Variants in SLIT3 observed in about 807,000 individuals in gnomAD.
The protein encoded by SLIT3 is slit homolog 3 protein.
Under a neutral mutation model 184.0 loss-of-function variants are expected in SLIT3, and 68 were observed. The ratio of observed to expected loss-of-function variants is 0.37; its 90% CI spans 0.30 to 0.45. SLIT3 has a LOEUF of 0.45. Among genes scored for constraint, SLIT3 ranks in the 20% least tolerant of loss-of-function variants. The pLI, the probability that SLIT3 is intolerant of heterozygous loss-of-function variation, is 1.00. For synonymous variants in SLIT3, 831 were observed against 828.6 expected, an observed-to-expected ratio of 1.00 and a Z score of -0.05; for missense variants, 1,707 against 2,026.0, an observed-to-expected ratio of 0.84 and a Z score of 3.02.
intron 7 of SLIT3, among the ~76,000 whole-genome samples, chr5:168,817,914 C>T (rs1025899630): frequency 2.0e-5 from 3 of 152,112 alleles, no homozygotes; most frequent in Non-Finnish European, 2.9e-5. Flanking sequence ...AGCTGAGAGA[C>T]GCTGTTGCCT....
At chr5:169,135,894 C>T (rs958603348) in intron 4 of SLIT3, among the ~76,000 whole-genome samples, 3 of 152,160 alleles carry the variant, frequency 2.0e-5, no homozygotes, top group African/African-American at 7.2e-5. Context: ...AACTTTAGGC[C>T]ACAGCCTTGG....
chr5:168,673,479 T>G (rs80039314), intron 32 of SLIT3, 148 bp from the exon 33 acceptor site: 2 of 735,846 alleles, frequency 2.7e-6, no homozygotes, highest in Non-Finnish European at 4.3e-6. Flanking sequence ...GTTGCAAAAA[T>G]AAAAACAGTA....
At chr5:169,289,753 G>C (rs1190326581) in intron 1 of SLIT3, among the ~76,000 whole-genome samples, 3 of 152,226 alleles carry the variant, frequency 2.0e-5, no homozygotes, top group African/African-American at 7.2e-5. Flanking sequence ...ATTAAGGCAG[G>C]AGCCAGGAGT....
chr5:168,718,244 A>G (rs1762811929), intron 23 of SLIT3: 1 of 151,220 alleles, frequency 6.6e-6, no homozygotes, highest in African/African-American at 2.5e-5. Flanking sequence ...CCTTACAGGG[A>G]TGTTTTAAGG....
intron 4 of SLIT3, among the ~76,000 whole-genome samples, chr5:168,976,501 T>A (rs748668335): frequency 1.3e-5 from 2 of 152,136 alleles, no homozygotes; most frequent in Non-Finnish European, 2.9e-5. Context: ...ATGAAAAAAA[T>A]AAACACAGAG....
chr5:168,999,430 C>G (rs925119688), intron 4 of SLIT3, among the ~76,000 whole-genome samples: 1 of 141,822 alleles, frequency 7.1e-6, no homozygotes, highest in African/African-American at 2.5e-5. Flanking sequence ...TCAAATAAAA[C>G]AGCACAGCTA....
In SLIT3 at chr5:168,901,677, C is replaced by A. The variant is rs181914544; in HGVS notation, c.414-18341G>T. ...GGCTCCGAAAGAAAAAGGACTCGCC[C>A]AAAGTCATATAGCCTAAAGCAAGAA... On this transcript the variant is annotated intron_variant, in intron 4 of 35. Transcript: ENST00000519560. Among the ~76,000 whole-genome samples, 324 of 152,252 alleles carry A rather than the reference C, an allele frequency of 2.1e-3. 3 individuals carry two copies. Among genetic ancestry groups the A allele is most frequent in the African/African-American group, 7.5e-3 (310 of 41,560 alleles).
intron 31 of SLIT3, 101 bp from the exon 32 acceptor site, chr5:168,684,197 T>C: frequency 8.1e-7 from 1 of 1,236,658 alleles, no homozygotes; most frequent in Admixed American, 2.7e-5. Context: ...CTTCTGAATC[T>C]GTGCTGCGTC....
chr5:169,072,777 C>A (rs1309147756), intron 4 of SLIT3, among the ~76,000 whole-genome samples: 2 of 152,172 alleles, frequency 1.3e-5, no homozygotes, highest in Non-Finnish European at 2.9e-5. Context: ...CTTTGGGCAG[C>A]CTTATGCCAA....
At chr5:169,175,609 G>A (rs535033613) in intron 4 of SLIT3, among the ~76,000 whole-genome samples, 1 of 152,302 alleles carries the variant, frequency 6.6e-6, no homozygotes, top group African/African-American at 2.4e-5. Flanking sequence ...CTTCGTGGTT[G>A]TGTTATTGAC....
chr5:168,772,571 TG>T, intron 14 of SLIT3: 1 of 327,368 alleles, frequency 3.1e-6, no homozygotes, highest in African/African-American at 2.8e-5. Context: ...ATGCTTTTAT[TG>T]TGTGTGTGTG....
intron 4 of SLIT3, among the ~76,000 whole-genome samples, chr5:168,972,318 T>G: frequency 7.0e-6 from 1 of 142,050 alleles, no homozygotes; most frequent in Non-Finnish European, 1.5e-5. Context: ...GGCTTGTTGA[T>G]GGCTAGCTGC....
intron 4 of SLIT3, among the ~76,000 whole-genome samples, chr5:168,945,543 C>T (rs746536013): frequency 2.0e-5 from 3 of 152,176 alleles, no homozygotes; most frequent in Non-Finnish European, 4.4e-5. Flanking sequence ...GCCCAGTATC[C>T]GGTCTTAGGC....
chr5:169,091,842 G>A (rs1759596810), intron 4 of SLIT3, among the ~76,000 whole-genome samples: 1 of 152,204 alleles, frequency 6.6e-6, no homozygotes, highest in African/African-American at 2.4e-5. Context: ...GGCATGGGCT[G>A]GGCCAAGGTC....
intron 4 of SLIT3, among the ~76,000 whole-genome samples, chr5:168,960,736 G>A (rs921433228): frequency 6.6e-6 from 1 of 152,212 alleles, no homozygotes; most frequent in African/African-American, 2.4e-5. Context: ...AGATTCTAAG[G>A]CAGGGCCAGC....
chr5:168,839,313 C>G (rs1758160948), intron 6 of SLIT3, among the ~76,000 whole-genome samples: 1 of 152,104 alleles, frequency 6.6e-6, no homozygotes, highest in African/African-American at 2.4e-5. Flanking sequence ...CACAGCGTGT[C>G]TTTTCTTCTT....
At chr5:168,939,113 G>A (rs1479011810) in intron 4 of SLIT3, among the ~76,000 whole-genome samples, 1 of 152,142 alleles carries the variant, frequency 6.6e-6, no homozygotes, top group Non-Finnish European at 1.5e-5. Flanking sequence ...GCGAGGAACC[G>A]GAAACACAGA....
rs1765771272 is a variant in SLIT3, at chr5:169,251,435, G to A, written c.222C>T (p.Thr74=). 1.2e-6 allele frequency: 2 copies of A among 1,613,440 alleles called. No homozygotes were observed. Among genetic ancestry groups the A allele is most frequent in the Non-Finnish European group, 1.7e-6 (2 of 1,179,422 alleles). ...CAGCGAAGTCCATCTTGGTGATCCTGGTGATATTATTTCTGTCCAGGTCAC... is the reference window on the plus strand; with the variant it reads ...CAGCGAAGTCCATCTTGGTGATCCTAGTGATATTATTTCTGTCCAGGTCAC... The part of the protein sequence containing the change: ...ERLDLDRNNI[T]RITKMDFAGL... Residue 74 remains threonine (T), a synonymous_variant, in exon 2 of 36, where the codon ACC becomes ACT. Transcript: ENST00000519560.
At chr5:169,283,711 A>AAAGG (rs1183732525) in intron 1 of SLIT3, among the ~76,000 whole-genome samples, 10 of 152,228 alleles carry the variant, frequency 6.6e-5, no homozygotes, top group African/African-American at 2.4e-4. Flanking sequence ...GCAAAAATCC[A>AAAGG]AAGGTTCATC....
Sources: gnomAD v4.1 joint callset for allele counts (sites outside exome capture counted in the v4.1 genomes callset) on GRCh38, gnomAD v4.1.1 for gene constraint, MANE v1.5 for transcripts, NCBI Gene and HGNC (gene_info 2026-07-23, HGNC 2026-07-21) for gene names.